NMI: variants seen among roughly 807,000 people sequenced by gnomAD.
The protein encoded by NMI is N-myc-interactor.
Under a neutral mutation model 34.3 loss-of-function variants are expected in NMI, and 39 were observed. The observed-to-expected ratio is 1.14, with a 90% CI of 0.88 to 1.49. The LOEUF (loss-of-function observed/expected upper bound fraction) is 1.49. Among genes scored for constraint, NMI ranks in the 40% most tolerant of loss-of-function variants. The pLI, the probability that NMI is intolerant of heterozygous loss-of-function variation, is 0.00. For synonymous variants in NMI, 113 were observed against 120.3 expected (o/e 0.94, Z 0.40); for missense variants, 339 against 358.1 (o/e 0.95, Z 0.43).
chr2:151,283,140 C>CT (rs55744578), intron 1 of NMI, among the ~76,000 whole-genome samples, 186 bp from the exon 2 acceptor site: 13 of 149,552 alleles, frequency 8.7e-5, no homozygotes, highest in Admixed American at 2.0e-4. Context: ...TTAATAACTC[C>CT]TTTTTTTTTT....
chr2:151,270,605 C>T lies in NMI; in HGVS notation c.*88G>A. 1 of 1,106,792 alleles carries T rather than the reference C, an allele frequency of 9.0e-7. No individual in the cohort carries two copies. Among genetic ancestry groups the T allele is most frequent in the African/African-American group, 1.6e-5 (1 of 63,154 alleles). 68.6% of individuals were successfully genotyped at this position (1,106,792 alleles called of 1,614,324 possible). A position where few individuals can be genotyped will look rare whatever the true frequency, so the allele number is the denominator to read the frequency against. ...AATGGATGGTAAAAATTAAAGTTTT[C>T]ATTTTTTAAGGAAAAGCATATTCAT... On this transcript the variant is annotated 3_prime_UTR_variant, in exon 8 of 8. Coordinates refer to ENST00000243346, the MANE Select transcript of NMI (RefSeq NM_004688.3).
chr2:151,271,718 A>G lies in NMI; in HGVS notation c.649T>C (p.Leu217=). 6.5e-7 allele frequency: 1 copy of G among 1,548,894 alleles called. No homozygotes were observed. The change falls in exon 7 of 8, where the codon TTG becomes CTG. Residue 217 remains leucine, a synonymous_variant. Coordinates refer to ENST00000243346, the MANE Select transcript of NMI (RefSeq NM_004688.3). ...TAAAGAGGGTATTCTTTCTTTTTCA[A>G]AATCTTGTCAGCCACTAAAAGCAAA... ...FVEIGVADKI[L]KKKEYPLYIN... is the part of the protein sequence containing the mutation.
At chr2:151,277,794 G>A (rs956847854) in intron 4 of NMI, 2 of 152,064 alleles carry the variant, frequency 1.3e-5, no homozygotes, top group African/African-American at 4.8e-5. Flanking sequence ...GAGGAAACAT[G>A]GGTTATAGAC....
chr2:151,281,910 C>T (rs1683412016), intron 3 of NMI, 38 bp downstream of exon 3: 1 of 977,414 alleles, frequency 1.0e-6, no homozygotes, highest in Non-Finnish European at 1.6e-6. Context: ...ACCATGCATC[C>T]ATCAAAAATG....
At chr2:151,286,903 C>T (rs1683509868) in intron 1 of NMI, among the ~76,000 whole-genome samples, 1 of 152,096 alleles carries the variant, frequency 6.6e-6, no homozygotes. Context: ...ATTTTTTTCC[C>T]CTGTGCACAT....
At chr2:151,276,996 A>C (rs551206857) in intron 4 of NMI, among the ~76,000 whole-genome samples, 1 of 152,340 alleles carries the variant, frequency 6.6e-6, no homozygotes, top group East Asian at 1.9e-4. Flanking sequence ...ATTTATTTTT[A>C]ATTGTGTGGC....
At chr2:151,274,062 G>A (rs1168425427) in intron 6 of NMI, among the ~76,000 whole-genome samples, 3 of 151,886 alleles carry the variant, frequency 2.0e-5, no homozygotes, top group African/African-American at 4.8e-5. Context: ...TGCATATTGG[G>A]CCAGGAGCGG....
At chr2:151,288,370 C>T (rs1043233479) in intron 1 of NMI, among the ~76,000 whole-genome samples, 2 of 152,080 alleles carry the variant, frequency 1.3e-5, no homozygotes, top group East Asian at 3.9e-4. Context: ...CTTTCAGAGG[C>T]GCAATGTTGC....
At chr2:151,283,593 T>G (rs1484197204) in intron 1 of NMI, among the ~76,000 whole-genome samples, 1 of 152,260 alleles carries the variant, frequency 6.6e-6, no homozygotes, top group Non-Finnish European at 1.5e-5. Flanking sequence ...AAATGAATAC[T>G]ATTTTGGTTT....
intron 1 of NMI, among the ~76,000 whole-genome samples, chr2:151,287,431 A>C (rs776715128): frequency 6.6e-6 from 1 of 151,944 alleles, no homozygotes; most frequent in Non-Finnish European, 1.5e-5. Context: ...GATACATTCT[A>C]ACTCCAACTC....
rs373121636 is a variant in NMI, at chr2:151,282,026, A to C, written c.99T>G (p.Ile33Met). ...DEQNKGLIDE[I>M]TKKNIQLKKE... ...TCTTTAGTTGAATATTTTTCTTTGT[A>C]ATTTCATCAATTAGTCCCTTAAAAA... Residue 33 changes from isoleucine to methionine, a missense_variant, in exon 3 of 8, where the codon ATT becomes ATG. By Grantham distance (10) the Ile-to-Met change is conservative (BLOSUM62 1). Transcript: ENST00000243346. 9 of 1,440,634 alleles carry C rather than the reference A, an allele frequency of 6.2e-6. No individual in the cohort carries two copies. The highest frequency in any genetic ancestry group is 8.8e-6 in the Non-Finnish European group (9 of 1,026,458). 89.2% of individuals were successfully genotyped at this position (1,440,634 alleles called of 1,614,324 possible).
At chr2:151,274,376 A>G (rs1411209599) in intron 6 of NMI, among the ~76,000 whole-genome samples, 2 of 141,736 alleles carry the variant, frequency 1.4e-5, no homozygotes, top group African/African-American at 2.6e-5. Flanking sequence ...AAAAAAAAGG[A>G]TATTGACATG....
At chr2:151,279,075 T>C in intron 3 of NMI, 85 bp from the exon 4 acceptor site, 1 of 850,732 alleles carries the variant, frequency 1.2e-6, no homozygotes. Context: ...GGTCATCCAA[T>C]AATTCATTCC....
intron 2 of NMI, 39 bp downstream of exon 2, chr2:151,282,829 A>G: frequency 3.7e-6 from 4 of 1,067,738 alleles, no homozygotes; most frequent in Non-Finnish European, 5.4e-6. Context: ...TAATAGATAT[A>G]AAATAATTTT....
intron 1 of NMI, 38 bp from the exon 2 acceptor site, chr2:151,282,992 A>G: frequency 1.0e-6 from 1 of 972,678 alleles, no homozygotes; most frequent in Non-Finnish European, 1.5e-6. Flanking sequence ...AGCATAGCAT[A>G]TATACACAAA....
rs1683283782 is a variant in NMI, at chr2:151,275,756, AC to A, written c.447+1del. 1 of 1,611,848 alleles carries A rather than the reference AC, an allele frequency of 6.2e-7. No homozygotes were observed. The highest frequency in any genetic ancestry group is 1.3e-5 in the African/African-American group (1 of 74,862). ...TCCAAAAAATTTTAATCATCCTGTT[AC>A]CTGGAATCTGACTCCTGAATTTAAT... On this transcript the variant is annotated splice_donor_variant, in intron 5 of 7. Coordinates refer to ENST00000243346, the MANE Select transcript of NMI (RefSeq NM_004688.3). LOFTEE classifies it high-confidence loss of function.
chr2:151,286,839 A>T (rs1308315852), intron 1 of NMI, among the ~76,000 whole-genome samples: 1 of 152,130 alleles, frequency 6.6e-6, no homozygotes, highest in Non-Finnish European at 1.5e-5. Context: ...CTTTCCCCTA[A>T]AAAGTAGGGA....
Position 151,282,895 on chromosome 2 carries a change from A to G in NMI, c.54T>C (p.Asp18=), listed in dbSNP as rs1029557226. ...TQQILKEHSP[D]EFIKDEQNKG... is the part of the protein sequence containing the mutation. ...TATTTTGTTCATCTTTTATAAATTC[A>G]TCTGGCGAATGCTCCTTAAGAATTT... The change falls in exon 2 of 8, where the codon GAT becomes GAC. Residue 18 remains aspartate (D), a synonymous_variant. Coordinates refer to ENST00000243346, the MANE Select transcript of NMI (RefSeq NM_004688.3). 6.5e-7 allele frequency: 1 copy of G among 1,526,812 alleles called. No individual in the cohort carries two copies. Among genetic ancestry groups the G allele is most frequent in the Non-Finnish European group, 8.9e-7 (1 of 1,128,666 alleles). 94.6% of individuals were successfully genotyped at this position (1,526,812 alleles called of 1,614,324 possible). A position where few individuals can be genotyped will look rare whatever the true frequency, so the allele number is the denominator to read the frequency against.
chr2:151,274,339 TCTCA>T (rs2105202989), intron 6 of NMI, among the ~76,000 whole-genome samples: 1 of 47,246 alleles, frequency 2.1e-5, no homozygotes, highest in East Asian at 6.6e-4. Flanking sequence ...CAAGACTCTG[TCTCA>T]CAAAAAAAAA....
Sources: gnomAD v4.1 joint callset for allele counts (sites outside exome capture counted in the v4.1 genomes callset) on GRCh38, gnomAD v4.1.1 for gene constraint, MANE v1.5 for transcripts, NCBI Gene and HGNC (gene_info 2026-07-23, HGNC 2026-07-21) for gene names.